The following ZNF652 variants were observed in gnomAD, a reference collection of about 807,000 sequenced individuals.
ZNF652 encodes the protein zinc finger protein 652.
Under a neutral mutation model 45.2 loss-of-function variants are expected in ZNF652, and 16 were observed. The observed-to-expected ratio is 0.35, with a 90% CI of 0.24 to 0.54. The LOEUF is 0.54. Among genes scored for constraint, ZNF652 ranks in the 20% least tolerant of loss-of-function variants. The pLI is 0.91. For missense variants in ZNF652, 614 were observed against 765.6 expected, an observed-to-expected ratio of 0.80 and a Z score of 2.34; for synonymous variants, 250 against 260.6, an observed-to-expected ratio of 0.96 and a Z score of 0.39.
chr17:49,304,446 T>A (rs1203399508), intron 5 of ZNF652, among the ~76,000 whole-genome samples: 1 of 152,130 alleles, frequency 6.6e-6, no homozygotes, highest in African/African-American at 2.4e-5. Flanking sequence ...GTTTAATGGT[T>A]GATATTAAGG....
intron 1 of ZNF652, among the ~76,000 whole-genome samples, chr17:49,335,509 T>C (rs992696679): frequency 6.6e-6 from 1 of 152,134 alleles, no homozygotes; most frequent in Non-Finnish European, 1.5e-5. Flanking sequence ...AACTTTTCAA[T>C]ATTAAGGGTT....
intron 1 of ZNF652, among the ~76,000 whole-genome samples, chr17:49,351,037 AC>A: frequency 7.1e-6 from 1 of 139,936 alleles, no homozygotes; most frequent in African/African-American, 2.7e-5. Context: ...ACACACACAC[AC>A]ACACACACAC....
intron 4 of ZNF652, 53 bp downstream of exon 4, chr17:49,311,874 T>A: frequency 6.9e-7 from 1 of 1,452,790 alleles, no homozygotes; most frequent in Non-Finnish European, 9.5e-7. Flanking sequence ...TGGTCCGCCA[T>A]CTATGCAAAC....
Position 49,333,452 on chromosome 17 carries a change from G to C in ZNF652, c.-258-15469C>G, listed in dbSNP as rs564926989. Among the ~76,000 whole-genome samples the C allele has an allele frequency of 1.6e-3, 233 of 146,814 alleles. 2 individuals carry two copies. Among genetic ancestry groups the C allele is most frequent in the African/African-American group, 5.5e-3 (222 of 40,118 alleles). Reference sequence around the variant, plus strand: ...GGGCCAGGCGTGGTGGCTCACACCTGTAATCCCAGCACTTTGGGAGGCCAA... The same window carrying C: ...GGGCCAGGCGTGGTGGCTCACACCTCTAATCCCAGCACTTTGGGAGGCCAA... On this transcript the variant is annotated intron_variant, in intron 1 of 5. Transcript: ENST00000430262.
intron 1 of ZNF652, among the ~76,000 whole-genome samples, chr17:49,325,160 T>G (rs2069943621): frequency 6.6e-6 from 1 of 152,218 alleles, no homozygotes; most frequent in South Asian, 2.1e-4. Context: ...CCTTGCTCAC[T>G]AAGCTTAATG....
chr17:49,354,504 G>C (rs987535910), intron 1 of ZNF652, among the ~76,000 whole-genome samples: 1 of 151,066 alleles, frequency 6.6e-6, no homozygotes, highest in African/African-American at 2.4e-5. Flanking sequence ...CCAGCTACTC[G>C]GGAGGCCAAG....
chr17:49,316,274 T>C (rs1016645193), intron 2 of ZNF652, among the ~76,000 whole-genome samples: 3 of 152,234 alleles, frequency 2.0e-5, no homozygotes, highest in African/African-American at 7.2e-5. Context: ...CAGCCTCTGC[T>C]TAAAGTTTGC....
intron 1 of ZNF652, among the ~76,000 whole-genome samples, chr17:49,324,732 C>T (rs1322456086): frequency 2.2e-5 from 3 of 137,416 alleles, no homozygotes; most frequent in African/African-American, 8.3e-5. Context: ...ACTGGGGTAG[C>T]ACTTTTTTTT....
Position 49,309,986 on chromosome 17 carries a change from C to T in ZNF652, c.1309+1326G>A, listed in dbSNP as rs544358216. 2.6e-5 allele frequency among the ~76,000 whole-genome samples: 4 copies of T among 152,116 alleles called. No homozygotes were observed. In the South Asian group the frequency reaches 8.3e-4, roughly 32 times the overall value. ...CTTTTTTTTTTGAGACGGAGTCTTGCTCTGTCACCCAGGCTGGAGTGCAGT... is the reference window on the plus strand; with the variant it reads ...CTTTTTTTTTTGAGACGGAGTCTTGTTCTGTCACCCAGGCTGGAGTGCAGT... On this transcript the variant is annotated intron_variant, in intron 5 of 5. Coordinates refer to ENST00000430262, the MANE Select transcript of ZNF652 (RefSeq NM_001145365.3).
At chr17:49,300,157 AC>A (rs1366439773) in intron 5 of ZNF652, among the ~76,000 whole-genome samples, 1 of 152,170 alleles carries the variant, frequency 6.6e-6, no homozygotes. Flanking sequence ...ATTTCACACC[AC>A]AGTGTTTCTC....
intron 1 of ZNF652, among the ~76,000 whole-genome samples, chr17:49,357,201 A>G (rs2070346674): frequency 6.6e-6 from 1 of 152,026 alleles, no homozygotes; most frequent in South Asian, 2.1e-4. Flanking sequence ...TGGGAGGCTG[A>G]GGCAGGAGAA....
rs1199364022 is a variant in ZNF652, at chr17:49,295,246, A to G, written c.*3167T>C. On this transcript the variant is annotated 3_prime_UTR_variant, in exon 6 of 6. Transcript: ENST00000430262. ...TTAATGCATTTCATTATTTATATAC[A>G]ATATGATACTGATGAGGAGTCATTA... 2.0e-5 allele frequency: 3 copies of G among 151,838 alleles called. No homozygotes were observed. The highest frequency in any genetic ancestry group is 4.4e-5 in the Non-Finnish European group (3 of 67,970). 9.4% of individuals were successfully genotyped at this position (151,838 alleles called of 1,614,324 possible).
rs148989186 is a variant in ZNF652, at chr17:49,318,726, A to G, written c.-258-743T>C. 2.2e-4 allele frequency among the ~76,000 whole-genome samples: 33 copies of G among 152,316 alleles called. 1 individual carries two copies. The highest frequency in any genetic ancestry group is 7.5e-4 in the African/African-American group (31 of 41,558). ...ACACGCAAGAGCTTTATATTGGCTG[A>G]CTTTCTTTCAACATCAATCACCATG... is the stretch of plus-strand genomic sequence containing the variant. On this transcript the variant is annotated intron_variant, in intron 1 of 5. Coordinates refer to ENST00000430262, the MANE Select transcript of ZNF652 (RefSeq NM_001145365.3).
At chr17:49,333,821 C>T (rs928823305) in intron 1 of ZNF652, among the ~76,000 whole-genome samples, 3 of 151,054 alleles carry the variant, frequency 2.0e-5, no homozygotes, top group African/African-American at 7.3e-5. Context: ...AAATCAAAAT[C>T]TCAATGAGAT....
At chr17:49,339,197 A>ATTTTTTTTTTTTTT (rs34574898) in intron 1 of ZNF652, among the ~76,000 whole-genome samples, 1 of 119,538 alleles carries the variant, frequency 8.4e-6, no homozygotes, top group Non-Finnish European at 1.7e-5. Flanking sequence ...GAGTTAGGAA[A>ATTTTTTTTTTTTTT]TTTTTTTTTT....
chr17:49,304,520 C>A (rs2069600743), intron 5 of ZNF652, among the ~76,000 whole-genome samples: 1 of 152,078 alleles, frequency 6.6e-6, no homozygotes, highest in Non-Finnish European at 1.5e-5. Flanking sequence ...ACAAATGTAA[C>A]ATTTAAAATC....
At chr17:49,288,962 G>A (rs548742004), downstream of ZNF652, among the ~76,000 whole-genome samples, 3 of 152,238 alleles carry the variant, frequency 2.0e-5, no homozygotes, top group Admixed American at 6.5e-5. Context: ...ACCAAACAGC[G>A]CTGCAAAGAG....
intron 4 of ZNF652, among the ~76,000 whole-genome samples, chr17:49,311,661 C>T (rs1001835205): frequency 1.3e-5 from 2 of 152,138 alleles, no homozygotes; most frequent in East Asian, 1.9e-4. Flanking sequence ...GAAGTATACT[C>T]GACTTCTCAG....
At chr17:49,307,513 G>A (rs1343028645) in intron 5 of ZNF652, among the ~76,000 whole-genome samples, 2 of 149,350 alleles carry the variant, frequency 1.3e-5, no homozygotes, top group South Asian at 4.2e-4. Context: ...AGGTCAAGGC[G>A]GGCAGATCAT....
Sources: allele counts gnomAD v4.1 joint callset (sites outside exome capture counted in the v4.1 genomes callset), GRCh38; gene constraint gnomAD v4.1.1; transcripts MANE v1.5; gene names NCBI Gene and HGNC (gene_info 2026-07-23, HGNC 2026-07-21).